Variants in MACROD1 observed in about 807,000 individuals in gnomAD.
The protein encoded by MACROD1 is mono-ADP ribosylhydrolase 1.
Under a neutral mutation model 41.4 loss-of-function variants are expected in MACROD1, and 31 were observed. That is an observed-to-expected ratio of 0.75 (90% CI 0.56 to 1.01). The LOEUF (loss-of-function observed/expected upper bound fraction) is 1.01. Ranked by LOEUF, MACROD1 falls within the 50% of genes least tolerant of loss-of-function variation. The pLI is 0.00. For synonymous variants in MACROD1, 252 were observed against 203.4 expected (o/e 1.24, Z -2.03); for missense variants, 473 against 460.0 (o/e 1.03, Z -0.26).
At chr11:64,115,455 C>T (rs533685799) in intron 3 of MACROD1, among the ~76,000 whole-genome samples, 1 of 151,866 alleles carries the variant, frequency 6.6e-6, no homozygotes, top group African/African-American at 2.4e-5. Context: ...TCCCACACAA[C>T]TCGGAACCCA....
chr11:64,088,002 G>A (rs1346180142), intron 3 of MACROD1, among the ~76,000 whole-genome samples: 1 of 152,182 alleles, frequency 6.6e-6, no homozygotes, highest in Admixed American at 6.5e-5. Context: ...GAGAGGGGCT[G>A]TGGTGTGGAA....
chr11:64,054,262 C>T (rs17158750), intron 3 of MACROD1, among the ~76,000 whole-genome samples: 8,625 of 152,192 alleles, frequency 0.057, 847 homozygotes, highest in African/African-American at 0.2. Context: ...AGACAGTTGG[C>T]TCAAGTCATG....
chr11:64,160,422 G>T (rs1945736317), intron 1 of MACROD1, among the ~76,000 whole-genome samples: 1 of 152,194 alleles, frequency 6.6e-6, no homozygotes, highest in Non-Finnish European at 1.5e-5. Context: ...CAGGCTTTGA[G>T]AGAGGATCCT....
At chr11:64,155,564 G>C (rs1213044646) in intron 1 of MACROD1, among the ~76,000 whole-genome samples, 1 of 152,234 alleles carries the variant, frequency 6.6e-6, no homozygotes, top group Non-Finnish European at 1.5e-5. Flanking sequence ...GCTGCAAAGT[G>C]CGGTCTACAC....
chr11:64,050,134 G>A (rs926520154), intron 3 of MACROD1, among the ~76,000 whole-genome samples: 2 of 152,074 alleles, frequency 1.3e-5, no homozygotes, highest in Non-Finnish European at 2.9e-5. Flanking sequence ...CAGGGAAGCC[G>A]GGTGCAGGCT....
chr11:64,145,110 G>A (rs1004024649), intron 3 of MACROD1, among the ~76,000 whole-genome samples: 5 of 152,218 alleles, frequency 3.3e-5, no homozygotes, highest in African/African-American at 9.6e-5. Flanking sequence ...GCGGTGATAA[G>A]CGGCCAGCAG....
intron 3 of MACROD1, among the ~76,000 whole-genome samples, chr11:64,043,580 G>A (rs561811717): frequency 1.6e-4 from 25 of 152,298 alleles, no homozygotes; most frequent in African/African-American, 4.3e-4. Context: ...AGGTCAAATC[G>A]TGGAAAGGGA....
At chr11:64,110,929 G>A (rs1263423611) in intron 3 of MACROD1, among the ~76,000 whole-genome samples, 5 of 152,226 alleles carry the variant, frequency 3.3e-5, no homozygotes, top group African/African-American at 1.2e-4. Flanking sequence ...CCTGGAGCCA[G>A]AGGGCTCAGC....
At chr11:64,157,156 G>C (rs867466308) in intron 1 of MACROD1, among the ~76,000 whole-genome samples, 2 of 151,934 alleles carry the variant, frequency 1.3e-5, no homozygotes, top group African/African-American at 2.4e-5. Context: ...GCAGTGGCAC[G>C]ATCTCGGCTC....
At chr11:64,085,634 A>G (rs1168267605) in intron 3 of MACROD1, among the ~76,000 whole-genome samples, 4 of 152,302 alleles carry the variant, frequency 2.6e-5, no homozygotes, top group African/African-American at 9.6e-5. Flanking sequence ...TCTGCCCCAC[A>G]TGGCTGTGGG....
intron 3 of MACROD1, among the ~76,000 whole-genome samples, chr11:64,110,773 C>T (rs1343149246): frequency 9.9e-5 from 15 of 152,162 alleles, no homozygotes; most frequent in Admixed American, 7.9e-4. Flanking sequence ...AAAAGATGGG[C>T]GATTTACCAG....
intron 3 of MACROD1, chr11:64,117,160 G>T (rs145399902): frequency 6.2e-7 from 1 of 1,613,772 alleles, no homozygotes; most frequent in Non-Finnish European, 8.5e-7. Context: ...GAGCTGGAGC[G>T]GCTGGACCTG....
intron 3 of MACROD1, among the ~76,000 whole-genome samples, chr11:64,084,385 G>A (rs1011549203): frequency 3.3e-5 from 5 of 152,116 alleles, no homozygotes; most frequent in African/African-American, 1.2e-4. Context: ...TTCCTGCTCT[G>A]CCCCCGCTGC....
chr11:64,024,703 G>A (rs190099600), intron 3 of MACROD1, among the ~76,000 whole-genome samples: 1 of 152,346 alleles, frequency 6.6e-6, no homozygotes, highest in East Asian at 1.9e-4. Flanking sequence ...GAGCCTTGGC[G>A]GGTGGGAGGG....
chr11:64,150,805 AG>A (rs1231863343), intron 3 of MACROD1, among the ~76,000 whole-genome samples: 1 of 152,198 alleles, frequency 6.6e-6, no homozygotes, highest in Non-Finnish European at 1.5e-5. Context: ...AGGGCATGGC[AG>A]GGGACCTCTC....
In MACROD1 at chr11:64,000,338, C is replaced by G. The variant is rs76298781; in HGVS notation, c.553G>C (p.Gly185Arg). The change falls in exon 5 of 11, where the codon GGC (glycine) becomes CGC (arginine). Residue 185 changes from glycine to arginine, a missense_variant. Transcript: ENST00000255681. ...SSLLGGGGVD[G>R]CIHRAAGPLL... is the part of the protein sequence containing the mutation. ...GGGCCGGCGGCCCGATGAATGCAGCCGTCCACTGCGGGAAGGGCGGGCGCG... is the reference window on the plus strand; with the variant it reads ...GGGCCGGCGGCCCGATGAATGCAGCGGTCCACTGCGGGAAGGGCGGGCGCG... 3.2e-6 allele frequency: 5 copies of G among 1,573,386 alleles called. No individual in the cohort carries two copies. In the Admixed American group the frequency reaches 5.4e-5, roughly 17 times the overall value.
At chr11:64,157,386 G>A (rs1386839451) in intron 1 of MACROD1, among the ~76,000 whole-genome samples, 10 of 152,166 alleles carry the variant, frequency 6.6e-5, no homozygotes, top group Admixed American at 5.9e-4. Flanking sequence ...GAGCCACCGC[G>A]CCCGGCCTTG....
intron 3 of MACROD1, among the ~76,000 whole-genome samples, chr11:64,140,197 T>C (rs1219752242): frequency 6.6e-6 from 1 of 152,226 alleles, no homozygotes; most frequent in African/African-American, 2.4e-5. Flanking sequence ...CTGGCTTCTC[T>C]GGGGACATCC....
At chr11:64,151,380 G>A in intron 2 of MACROD1, 25 bp from the exon 3 acceptor site, 1 of 1,577,954 alleles carries the variant, frequency 6.3e-7, no homozygotes, top group Non-Finnish European at 8.7e-7. Context: ...GGCCGGGGAG[G>A]TCACAGCGAG....
Sources: allele counts gnomAD v4.1 joint callset (sites outside exome capture counted in the v4.1 genomes callset), GRCh38; gene constraint gnomAD v4.1.1; transcripts MANE v1.5; gene names NCBI Gene and HGNC (gene_info 2026-07-23, HGNC 2026-07-21).